The following GALNTL6 variants were observed in gnomAD, a reference collection of about 807,000 sequenced individuals.
GALNTL6 encodes polypeptide N-acetylgalactosaminyltransferase like 6.
GALNTL6 carries 46 observed loss-of-function variants against 73.7 expected under a neutral mutation model. That is an observed-to-expected ratio of 0.62 (90% CI 0.49 to 0.80). The LOEUF (loss-of-function observed/expected upper bound fraction) is 0.80, where lower values mean the gene tolerates loss of function less well. GALNTL6 is among the 30% of genes least tolerant of loss of function. The pLI is 0.00. For missense variants in GALNTL6, 604 were observed against 755.0 expected (o/e 0.80, Z 2.34); for synonymous variants, 259 against 263.7 (o/e 0.98, Z 0.17).
chr4:172,381,092 A>C (rs1334088577), intron 5 of GALNTL6, among the ~76,000 whole-genome samples: 1 of 152,224 alleles, frequency 6.6e-6, no homozygotes, highest in African/African-American at 2.4e-5. Flanking sequence ...AAAACAATAG[A>C]GTGAGGTGGA....
At chr4:172,380,280 G>T (rs574131074) in intron 5 of GALNTL6, 10 of 775,446 alleles carry the variant, frequency 1.3e-5, no homozygotes, top group South Asian at 1.2e-4. Flanking sequence ...GTCATAAAAC[G>T]CACTTTAGGG....
At chr4:172,958,134 G>C (rs989049568) in intron 10 of GALNTL6, among the ~76,000 whole-genome samples, 4 of 152,184 alleles carry the variant, frequency 2.6e-5, no homozygotes, top group African/African-American at 9.7e-5. Context: ...TATGTGTCAG[G>C]TGTGAGGAAG....
At chr4:172,295,443 A>G (rs1051998831) in intron 3 of GALNTL6, among the ~76,000 whole-genome samples, 1 of 150,734 alleles carries the variant, frequency 6.6e-6, no homozygotes, top group Non-Finnish European at 1.5e-5. Flanking sequence ...AAGTGCCACA[A>G]TCAGAAAATT....
At chr4:172,906,712 A>C (rs913374407) in intron 8 of GALNTL6, among the ~76,000 whole-genome samples, 3 of 152,360 alleles carry the variant, frequency 2.0e-5, no homozygotes, top group Admixed American at 6.5e-5. Flanking sequence ...TTCAGCTCCT[A>C]GCAGTCACTC....
At chr4:172,668,763 C>T (rs1252800821) in intron 5 of GALNTL6, 1 of 152,102 alleles carries the variant, frequency 6.6e-6, no homozygotes, top group Admixed American at 6.6e-5. Context: ...TTATATCCTT[C>T]CTTGTGGATG....
chr4:171,872,219 A>G (rs553676394), intron 2 of GALNTL6, among the ~76,000 whole-genome samples: 1 of 152,322 alleles, frequency 6.6e-6, no homozygotes, highest in South Asian at 2.1e-4. Flanking sequence ...GGCACACCTG[A>G]CAAGACTTTT....
At chr4:172,443,142 A>C (rs1731896175) in intron 5 of GALNTL6, among the ~76,000 whole-genome samples, 1 of 117,454 alleles carries the variant, frequency 8.5e-6, no homozygotes, top group Non-Finnish European at 1.7e-5. Context: ...ATATATATAT[A>C]TATATATATA....
intron 9 of GALNTL6, among the ~76,000 whole-genome samples, chr4:172,938,598 C>T (rs2610190): frequency 0.019 from 2,954 of 152,274 alleles, 96 homozygotes; most frequent in African/African-American, 0.067. Flanking sequence ...TGACCTTTCT[C>T]TCCCGATGAC....
At chr4:172,649,704 C>A (rs1740392338) in intron 5 of GALNTL6, among the ~76,000 whole-genome samples, 1 of 151,996 alleles carries the variant, frequency 6.6e-6, no homozygotes, top group Admixed American at 6.6e-5. Flanking sequence ...TAATTAAGTA[C>A]GAAGTGTAGA....
chr4:172,908,014 G>A (rs1414292363), intron 8 of GALNTL6, among the ~76,000 whole-genome samples: 1 of 152,152 alleles, frequency 6.6e-6, no homozygotes, highest in African/African-American at 2.4e-5. Context: ...AAGTACTGCA[G>A]CAATGTCACA....
chr4:172,853,821 GCAGGTCTGC>G (rs1156409902), intron 7 of GALNTL6, among the ~76,000 whole-genome samples: 7 of 152,296 alleles, frequency 4.6e-5, no homozygotes, highest in African/African-American at 7.2e-5. Flanking sequence ...GCTTTCCAAA[GCAGGTCTGC>G]CAAATATTCT....
intron 2 of GALNTL6, among the ~76,000 whole-genome samples, chr4:172,063,224 C>T (rs1731261191): frequency 6.6e-6 from 1 of 152,190 alleles, no homozygotes; most frequent in Admixed American, 6.5e-5. Context: ...GCTTCACTTT[C>T]TTCAATTAGC....
chr4:172,874,635 T>C (rs1745100068), intron 7 of GALNTL6, among the ~76,000 whole-genome samples: 1 of 152,068 alleles, frequency 6.6e-6, no homozygotes, highest in African/African-American at 2.4e-5. Context: ...TTTACATGTA[T>C]CGTTAGGTGT....
chr4:172,913,659 G>A (rs1747340634), intron 8 of GALNTL6, among the ~76,000 whole-genome samples: 1 of 152,074 alleles, frequency 6.6e-6, no homozygotes, highest in Non-Finnish European at 1.5e-5. Context: ...AAGATCAAAT[G>A]AATGAAATGA....
At chr4:172,806,690 T>C (rs943167429) in intron 5 of GALNTL6, among the ~76,000 whole-genome samples, 37 of 152,188 alleles carry the variant, frequency 2.4e-4, no homozygotes, top group African/African-American at 6.5e-4. Flanking sequence ...GTGATACTCA[T>C]AGTGTGACAT....
intron 8 of GALNTL6, among the ~76,000 whole-genome samples, chr4:172,914,783 C>T (rs936099613): frequency 6.6e-6 from 1 of 152,080 alleles, no homozygotes; most frequent in African/African-American, 2.4e-5. Context: ...GATATAGACC[C>T]CCAAGCAATA....
chr4:172,347,386 C>T (rs748805102), intron 4 of GALNTL6, among the ~76,000 whole-genome samples: 20 of 152,168 alleles, frequency 1.3e-4, no homozygotes, highest in Non-Finnish European at 2.4e-4. Context: ...GTTTAAAAAA[C>T]AATTGGCTTC....
At chr4:172,775,757 A>G (rs951035913) in intron 5 of GALNTL6, among the ~76,000 whole-genome samples, 19 of 152,244 alleles carry the variant, frequency 1.2e-4, no homozygotes, top group Admixed American at 1.2e-3. Context: ...AAGGTGATGG[A>G]TCATCACCTC....
chr4:172,006,944 T>G (rs533473025), intron 2 of GALNTL6, among the ~76,000 whole-genome samples: 19 of 152,286 alleles, frequency 1.2e-4, no homozygotes, highest in Non-Finnish European at 2.8e-4. Flanking sequence ...GAAATGTTAA[T>G]TTAAATATCT....
Sources: gnomAD v4.1 joint callset for allele counts (sites outside exome capture counted in the v4.1 genomes callset) on GRCh38, gnomAD v4.1.1 for gene constraint, MANE v1.5 for transcripts, NCBI Gene and HGNC (gene_info 2026-07-23, HGNC 2026-07-21) for gene names.